Variants in ATL1 observed in about 807,000 individuals in gnomAD.
ATL1 encodes the protein atlastin GTPase 1.
In ATL1, 31 loss-of-function variants were observed where a neutral mutation model predicts 75.5. That is an observed-to-expected ratio of 0.41 (90% CI 0.31 to 0.55). ATL1 has a LOEUF of 0.55. ATL1 is among the 20% of genes least tolerant of loss of function. The pLI, the probability that ATL1 is intolerant of heterozygous loss-of-function variation, is 0.27. For missense variants in ATL1, 405 were observed against 662.6 expected (o/e 0.61, Z 4.27); for synonymous variants, 226 against 233.3 (o/e 0.97, Z 0.28).
intron 1 of ATL1, among the ~76,000 whole-genome samples, chr14:50,570,284 A>G (rs561929503): frequency 1.3e-5 from 2 of 152,098 alleles, no homozygotes; most frequent in South Asian, 4.2e-4. Flanking sequence ...TATTTTCCTA[A>G]TCTTCAAGTT....
rs1555364368 is a variant in ATL1 at position 50,597,220 on chromosome 14, C to CAAAAAAAAGA, written c.630+1596_630+1597insGAAAAAAAAA. On this transcript the variant is annotated intron_variant, in intron 6 of 13. Coordinates refer to ENST00000358385, the MANE Select transcript of ATL1 (RefSeq NM_015915.5). ...CAAGACTCTGTCTCAAAAAAACAAA[C>CAAAAAAAAGA]AAAAAAAAAAAAAGAAAAAAGAAAA... Among the ~76,000 whole-genome samples the CAAAAAAAAGA allele has an allele frequency of 2.6e-4, 28 of 108,378 alleles. No homozygotes were observed. The East Asian group carries it at 6.6e-3, about 25-fold the overall frequency. 71.1% of individuals were successfully genotyped at this position (108,378 alleles called of 152,430 possible).
In ATL1 at chr14:50,560,162, C is replaced by G. The variant is rs1428748808; in HGVS notation, c.-104C>G. On this transcript the variant is annotated 5_prime_UTR_variant, in exon 1 of 14. Coordinates refer to ENST00000358385, the MANE Select transcript of ATL1 (RefSeq NM_015915.5). ...ACATCCTCAGAGTCTGAGCGAACTG[C>G]GCCCAGCGCGGGCACGGAGCCTCCC... 1 of 1,390,858 alleles carries G rather than the reference C, an allele frequency of 7.2e-7. No homozygotes were observed. The highest frequency in any genetic ancestry group is 1.0e-6 in the Non-Finnish European group (1 of 994,272). 86.2% of individuals were successfully genotyped at this position (1,390,858 alleles called of 1,614,324 possible). A position where few individuals can be genotyped will look rare whatever the true frequency, so the allele number is the denominator to read the frequency against.
rs779374289 is a variant in ATL1 at position 50,632,434 on chromosome 14, C to T, written c.*95C>T. On this transcript the variant is annotated 3_prime_UTR_variant, in exon 14 of 14. Coordinates refer to ENST00000358385, the MANE Select transcript of ATL1 (RefSeq NM_015915.5). ...AACATTCAAAGTGCTTCCATCAGAA[C>T]GGAGTAAAATACTAAACACCTCTGA... is the stretch of plus-strand genomic sequence containing the variant. 38 of 885,048 alleles carry T rather than the reference C, an allele frequency of 4.3e-5. No individual in the cohort carries two copies. The highest frequency in any genetic ancestry group is 1.4e-4 in the East Asian group (5 of 36,538). 54.8% of individuals were successfully genotyped at this position (885,048 alleles called of 1,614,324 possible).
intron 1 of ATL1, among the ~76,000 whole-genome samples, chr14:50,541,374 C>T (rs926860066): frequency 2.0e-5 from 3 of 152,140 alleles, no homozygotes; most frequent in Admixed American, 1.3e-4. Flanking sequence ...TACCAGAGAA[C>T]GAGAGATAAA....
chr14:50,622,962 G>A (rs1350275402), intron 10 of ATL1, among the ~76,000 whole-genome samples: 3 of 152,150 alleles, frequency 2.0e-5, no homozygotes, highest in Non-Finnish European at 4.4e-5. Flanking sequence ...CATTTTAGAA[G>A]TATTGTGTAT....
chr14:50,619,162 C>T (rs1485879686), intron 8 of ATL1, among the ~76,000 whole-genome samples: 1 of 152,248 alleles, frequency 6.6e-6, no homozygotes, highest in African/African-American at 2.4e-5. Context: ...AAGCGATTCC[C>T]CTGCCTCAGC....
At chr14:50,537,663 T>TG (rs2038512056) in intron 1 of ATL1, among the ~76,000 whole-genome samples, 1 of 152,252 alleles carries the variant, frequency 6.6e-6, no homozygotes, top group Non-Finnish European at 1.5e-5. Flanking sequence ...ACCAACCTCT[T>TG]GCATCAGCAT....
At chr14:50,587,757 G>A (rs77224287) in intron 1 of ATL1, 74 bp from the exon 2 acceptor site, 1 of 1,591,866 alleles carries the variant, frequency 6.3e-7, no homozygotes, top group Non-Finnish European at 8.6e-7. Flanking sequence ...GGATGTTTGA[G>A]AGTTAAGAGG....
chr14:50,560,141 C>T, upstream of ATL1: 1 of 1,145,870 alleles, frequency 8.7e-7, no homozygotes, highest in South Asian at 1.3e-5. Flanking sequence ...ACAGCAACAT[C>T]CTCAGAGTCT....
At chr14:50,613,233 A>G (rs2039382853) in intron 6 of ATL1, 26 bp from the exon 7 acceptor site, 1 of 1,574,576 alleles carries the variant, frequency 6.4e-7, no homozygotes, top group Admixed American at 1.7e-5. Context: ...AAGTCCTCAT[A>G]TCAATCCTTT....
upstream of ATL1, among the ~76,000 whole-genome samples, chr14:50,557,331 C>T (rs767950444): frequency 2.0e-5 from 3 of 152,188 alleles, no homozygotes; most frequent in African/African-American, 4.8e-5. Context: ...CTATTCCCAC[C>T]CATCTCCCGT....
Position 50,628,360 on chromosome 14 carries a change from G to C in ATL1, c.1449G>C (p.Leu483=), listed in dbSNP as rs371411344. The change falls in exon 12 of 14, where the codon CTG becomes CTC. Residue 483 remains leucine, a synonymous_variant. Transcript: ENST00000358385. ...IASLCNMIMG[L]TLITLCTWAY... Reference sequence around the variant, plus strand: ...GCCTATGCAATATGATAATGGGACTGACCCTTATCACCCTGTGCACTTGGG... The same window carrying C: ...GCCTATGCAATATGATAATGGGACTCACCCTTATCACCCTGTGCACTTGGG... 6.2e-7 allele frequency: 1 copy of C among 1,613,952 alleles called. No homozygotes were observed. The highest frequency in any genetic ancestry group is 8.5e-7 in the Non-Finnish European group (1 of 1,179,970).
chr14:50,601,491 T>A (rs1377339236), intron 6 of ATL1, among the ~76,000 whole-genome samples: 3 of 152,206 alleles, frequency 2.0e-5, no homozygotes, highest in Non-Finnish European at 4.4e-5. Flanking sequence ...TATTTGCTAA[T>A]TTTTATGGTG....
At chr14:50,617,547 T>C (rs2039426789) in intron 8 of ATL1, among the ~76,000 whole-genome samples, 1 of 152,174 alleles carries the variant, frequency 6.6e-6, no homozygotes, top group East Asian at 1.9e-4. Flanking sequence ...GAAAATATCT[T>C]CCTTTGTTAA....
chr14:50,562,995 A>G (rs2934686), intron 1 of ATL1, among the ~76,000 whole-genome samples: 31,370 of 152,158 alleles, frequency 0.21, 3,943 homozygotes, highest in Middle Eastern at 0.29. Context: ...TACTCATTTT[A>G]CATATTAAAA....
chr14:50,593,008 A>G (rs1489511661), intron 4 of ATL1, among the ~76,000 whole-genome samples: 1 of 149,806 alleles, frequency 6.7e-6, no homozygotes, highest in Non-Finnish European at 1.5e-5. Flanking sequence ...TATATATATA[A>G]TGTACAATAT....
intron 1 of ATL1, among the ~76,000 whole-genome samples, chr14:50,534,892 G>A (rs990453928): frequency 4.6e-5 from 7 of 152,172 alleles, no homozygotes; most frequent in African/African-American, 1.2e-4. Context: ...TGTACACTGA[G>A]TAAATTTAAT....
chr14:50,558,728 G>C (rs2038796127), upstream of ATL1, among the ~76,000 whole-genome samples: 1 of 152,210 alleles, frequency 6.6e-6, no homozygotes, highest in South Asian at 2.1e-4. Context: ...TGTAAGCTGA[G>C]AATGATAGTA....
At chr14:50,536,445 A>C (rs1436696712) in intron 1 of ATL1, among the ~76,000 whole-genome samples, 1 of 140,990 alleles carries the variant, frequency 7.1e-6, no homozygotes, top group Admixed American at 7.1e-5. Context: ...TCAAAAAAAA[A>C]AAAAAAAAAA....
Sources: gnomAD v4.1 joint callset for allele counts (sites outside exome capture counted in the v4.1 genomes callset) on GRCh38, gnomAD v4.1.1 for gene constraint, MANE v1.5 for transcripts, NCBI Gene and HGNC (gene_info 2026-07-23, HGNC 2026-07-21) for gene names.